The following EXOC4 variants were observed in gnomAD, a reference collection of about 807,000 sequenced individuals.
EXOC4 encodes exocyst complex component 4.
EXOC4 carries 71 observed loss-of-function variants against 107.2 expected under a neutral mutation model. That is an observed-to-expected ratio of 0.66 (90% confidence interval 0.55 to 0.81). The LOEUF (loss-of-function observed/expected upper bound fraction) is 0.81. EXOC4 is among the 30% of genes least tolerant of loss of function. The pLI is 0.00. For missense variants in EXOC4, 1,108 were observed against 1,189.6 expected (o/e 0.93, Z 1.01); for synonymous variants, 456 against 441.2 (o/e 1.03, Z -0.42).
At chr7:133,607,403 G>T (rs1801974026) in intron 9 of EXOC4, among the ~76,000 whole-genome samples, 1 of 152,118 alleles carries the variant, frequency 6.6e-6, no homozygotes, top group Admixed American at 6.5e-5. Flanking sequence ...AAACATTGAA[G>T]AACAACTTAT....
At chr7:133,629,924 GGTTACT>G in intron 9 of EXOC4, 115 bp from the exon 10 acceptor site, 2 of 666,814 alleles carry the variant, frequency 3.0e-6, no homozygotes, top group Non-Finnish European at 5.4e-6. Context: ...ACATACCGAA[GGTTACT>G]GTTTGCAAAG....
intron 11 of EXOC4, among the ~76,000 whole-genome samples, chr7:133,830,021 T>C (rs907111424): frequency 6.6e-6 from 1 of 152,190 alleles, no homozygotes; most frequent in African/African-American, 2.4e-5. Context: ...ATTCCCCTGA[T>C]GGATGGTCAT....
chr7:133,277,972 G>GT (rs1160310475), intron 2 of EXOC4, among the ~76,000 whole-genome samples: 2 of 152,156 alleles, frequency 1.3e-5, no homozygotes, highest in Non-Finnish European at 2.9e-5. Flanking sequence ...ATTGGGCTAC[G>GT]TTATCTCAGA....
At chr7:133,401,158 A>G (rs1453241358) in intron 7 of EXOC4, among the ~76,000 whole-genome samples, 1 of 150,188 alleles carries the variant, frequency 6.7e-6, no homozygotes, top group Non-Finnish European at 1.5e-5. Flanking sequence ...TTCCTTGAGA[A>G]TAATTCCAGA....
intron 10 of EXOC4, among the ~76,000 whole-genome samples, chr7:133,799,578 T>C (rs563560102): frequency 6.6e-6 from 1 of 152,258 alleles, no homozygotes; most frequent in Non-Finnish European, 1.5e-5. Flanking sequence ...TTTTGGATTC[T>C]CATGAAATCA....
Position 133,737,909 on chromosome 7 carries a change from C to CTTTTTTTTTTTTTTTTTTTTTT in EXOC4, c.1515-79396_1515-79395insTTTTTTTTTTTTTTTTTTTTTT, listed in dbSNP as rs10673346. Among the ~76,000 whole-genome samples, 12 of 89,324 alleles carry CTTTTTTTTTTTTTTTTTTTTTT rather than the reference C, an allele frequency of 1.3e-4. 1 individual carries two copies. The highest frequency in any genetic ancestry group is 4.1e-4 in the East Asian group (1 of 2,448). 58.6% of individuals were successfully genotyped at this position (89,324 alleles called of 152,430 possible). A position where few individuals can be genotyped will look rare whatever the true frequency, so the allele number is the denominator to read the frequency against. On this transcript the variant is annotated intron_variant, in intron 10 of 17. Transcript: ENST00000253861. The stretch of plus-strand genomic sequence containing the variant: ...TTTTTGTGCCTCTTGATTTTTCTTT[C>CTTTTTTTTTTTTTTTTTTTTTT]TTTTTTTTTTTTTTTTTTTTGAGAC...
intron 1 of EXOC4, among the ~76,000 whole-genome samples, chr7:133,259,163 A>G (rs1795084818): frequency 6.6e-6 from 1 of 151,610 alleles, no homozygotes; most frequent in South Asian, 2.1e-4. Flanking sequence ...ATAGTTATAT[A>G]TGTTTTTTAA....
At chr7:133,489,798 A>G (rs1021646719) in intron 9 of EXOC4, among the ~76,000 whole-genome samples, 3 of 152,110 alleles carry the variant, frequency 2.0e-5, no homozygotes, top group African/African-American at 7.2e-5. Context: ...GGGACCATAA[A>G]TGTGTCACTT....
intron 11 of EXOC4, among the ~76,000 whole-genome samples, chr7:133,862,821 G>A (rs1289887655): frequency 6.6e-6 from 1 of 151,442 alleles, no homozygotes; most frequent in Non-Finnish European, 1.5e-5. Context: ...TTTACATTTG[G>A]CAATGTGACA....
intron 11 of EXOC4, among the ~76,000 whole-genome samples, chr7:133,822,165 G>T (rs930555848): frequency 6.6e-6 from 1 of 152,196 alleles, no homozygotes; most frequent in South Asian, 2.1e-4. Flanking sequence ...TACCTGAAGA[G>T]AAATTATTCA....
intron 9 of EXOC4, chr7:133,576,603 G>C (rs749177062): frequency 3.9e-6 from 5 of 1,289,614 alleles, no homozygotes; most frequent in Non-Finnish European, 5.1e-6. Context: ...ATTTCTCAAG[G>C]GGGTAGAGAT....
intron 14 of EXOC4, among the ~76,000 whole-genome samples, chr7:133,940,847 G>C (rs1306102739): frequency 6.6e-6 from 1 of 151,604 alleles, no homozygotes; most frequent in Non-Finnish European, 1.5e-5. Flanking sequence ...GGAGACTAGA[G>C]AACATGAGGA....
chr7:133,342,492 A>C (rs1036760144), intron 5 of EXOC4, among the ~76,000 whole-genome samples: 1 of 152,210 alleles, frequency 6.6e-6, no homozygotes, highest in South Asian at 2.1e-4. Flanking sequence ...CCTAATGACT[A>C]TATGCCCAAG....
chr7:133,464,810 G>GTTTTTTTTTTTTTTTTTT (rs1491525276), intron 7 of EXOC4, among the ~76,000 whole-genome samples: 2 of 105,672 alleles, frequency 1.9e-5, no homozygotes, highest in Non-Finnish European at 3.5e-5. Context: ...TGGTTGGGTT[G>GTTTTTTTTTTTTTTTTTT]GTTTTTTTTT....
Position 133,832,924 on chromosome 7 carries a change from C to G in EXOC4, c.1734+15380C>G, listed in dbSNP as rs188451635. On this transcript the variant is annotated intron_variant, in intron 11 of 17. Transcript: ENST00000253861. Reference sequence around the variant, plus strand: ...TGCTTTCATAAAACTATAAATATAACATGTAAACTGTTGAATCTACATAAG... The same window carrying G: ...TGCTTTCATAAAACTATAAATATAAGATGTAAACTGTTGAATCTACATAAG... Among the ~76,000 whole-genome samples, 23 of 152,132 alleles carry G rather than the reference C, an allele frequency of 1.5e-4. No individual in the cohort carries two copies. The East Asian group carries it at 4.1e-3, about 27-fold the overall frequency.
At chr7:133,758,287 TG>T (rs1795959508) in intron 10 of EXOC4, among the ~76,000 whole-genome samples, 1 of 152,134 alleles carries the variant, frequency 6.6e-6, no homozygotes, top group African/African-American at 2.4e-5. Flanking sequence ...TAGAGGCACG[TG>T]CCACCATGCC....
chr7:133,416,293 T>A (rs1462384730), intron 7 of EXOC4, among the ~76,000 whole-genome samples: 5 of 152,174 alleles, frequency 3.3e-5, no homozygotes, highest in African/African-American at 7.2e-5. Context: ...TACTTGACCA[T>A]CACCCATGTG....
intron 11 of EXOC4, among the ~76,000 whole-genome samples, chr7:133,877,705 C>T (rs1798879138): frequency 1.6e-5 from 2 of 124,742 alleles, no homozygotes; most frequent in African/African-American, 6.0e-5. Flanking sequence ...CAGTACTTGG[C>T]CGAAGGTTCT....
intron 10 of EXOC4, among the ~76,000 whole-genome samples, chr7:133,784,043 A>G (rs1348844046): frequency 1.3e-5 from 2 of 152,318 alleles, no homozygotes; most frequent in African/African-American, 2.4e-5. Context: ...TGTTTTAACT[A>G]TCTTTCCATT....
Sources: allele counts gnomAD v4.1 joint callset (sites outside exome capture counted in the v4.1 genomes callset), GRCh38; gene constraint gnomAD v4.1.1; transcripts MANE v1.5; gene names NCBI Gene and HGNC (gene_info 2026-07-23, HGNC 2026-07-21).